Variants in CACNA1E observed in about 807,000 individuals in gnomAD.
CACNA1E encodes calcium voltage-gated channel subunit alpha1 E.
In CACNA1E, 40 loss-of-function variants were observed where a neutral mutation model predicts 259.2. That is an observed-to-expected ratio of 0.15 (90% CI 0.12 to 0.20). CACNA1E has a LOEUF of 0.20. Among genes scored for constraint, CACNA1E ranks in the 10% least tolerant of loss-of-function variants. The pLI is 1.00. For synonymous variants in CACNA1E, 1,104 were observed against 1,138.5 expected (o/e 0.97, Z 0.61); for missense variants, 1,874 against 3,040.1 (o/e 0.62, Z 9.02).
At chr1:181,724,939 T>C (rs1321700669) in intron 17 of CACNA1E, among the ~76,000 whole-genome samples, 1 of 152,202 alleles carries the variant, frequency 6.6e-6, no homozygotes, top group Non-Finnish European at 1.5e-5. Flanking sequence ...GGGAGAGAGA[T>C]CAGGGCCATC....
At chr1:181,333,515 AATAAAACTTTATTT>A (rs1367551062) in intron 1 of CACNA1E, among the ~76,000 whole-genome samples, 2 of 152,216 alleles carry the variant, frequency 1.3e-5, no homozygotes, top group Non-Finnish European at 2.9e-5. Context: ...GATGAGTTCC[AATAAAACTTTATTT>A]ATAAAAGCAA....
At chr1:181,734,045 T>C (rs1247463746) in intron 21 of CACNA1E, among the ~76,000 whole-genome samples, 1 of 152,214 alleles carries the variant, frequency 6.6e-6, no homozygotes, top group Non-Finnish European at 1.5e-5. Flanking sequence ...TTTGCTTTGG[T>C]GCATGAATAT....
chr1:181,478,631 G>GT, upstream of CACNA1E, among the ~76,000 whole-genome samples: 1 of 148,992 alleles, frequency 6.7e-6, no homozygotes, highest in African/African-American at 2.4e-5. Context: ...CTATCTGAGT[G>GT]TAACTGGCAG....
chr1:181,585,479 C>T (rs142562788), intron 6 of CACNA1E, among the ~76,000 whole-genome samples: 73 of 152,262 alleles, frequency 4.8e-4, no homozygotes, highest in Non-Finnish European at 9.3e-4. Flanking sequence ...AGGAAAGTCC[C>T]GGCCCTCATG....
At chr1:181,572,522 T>C (rs1650517926) in intron 3 of CACNA1E, among the ~76,000 whole-genome samples, 2 of 152,184 alleles carry the variant, frequency 1.3e-5, no homozygotes, top group African/African-American at 4.8e-5. Context: ...GAGTGTACTC[T>C]CCAACTGTCC....
intron 1 of CACNA1E, among the ~76,000 whole-genome samples, chr1:181,331,458 G>A (rs139468086): frequency 9.7e-4 from 148 of 152,294 alleles, no homozygotes; most frequent in African/African-American, 3.4e-3. Flanking sequence ...TGATGTCCAA[G>A]GAGAGGGGAG....
At chr1:181,416,251 G>A (rs1658267313) in intron 2 of CACNA1E, among the ~76,000 whole-genome samples, 1 of 152,210 alleles carries the variant, frequency 6.6e-6, no homozygotes, top group African/African-American at 2.4e-5. Flanking sequence ...AGTAGGCCAG[G>A]CCATCTTGGT....
intron 6 of CACNA1E, among the ~76,000 whole-genome samples, chr1:181,646,933 C>T (rs916258662): frequency 6.6e-6 from 1 of 152,258 alleles, no homozygotes; most frequent in Non-Finnish European, 1.5e-5. Flanking sequence ...TGCAGGTGGG[C>T]TGCCGCCCCC....
At chr1:181,717,943 G>T (rs929289428) in intron 11 of CACNA1E, 112 bp from the exon 12 acceptor site, 1 of 625,540 alleles carries the variant, frequency 1.6e-6, no homozygotes, top group Admixed American at 2.6e-5. Flanking sequence ...TGTGGCCACC[G>T]AATGTCCTGA....
At chr1:181,549,340 A>G (rs1370078411) in intron 3 of CACNA1E, among the ~76,000 whole-genome samples, 2 of 152,228 alleles carry the variant, frequency 1.3e-5, no homozygotes, top group Non-Finnish European at 2.9e-5. Flanking sequence ...ATGGACAGGT[A>G]GGGTACCAAG....
intron 1 of CACNA1E, among the ~76,000 whole-genome samples, chr1:181,493,441 C>G (rs1453301099): frequency 1.3e-5 from 2 of 152,230 alleles, no homozygotes; most frequent in African/African-American, 2.4e-5. Flanking sequence ...GACTGTCAAG[C>G]TGGAATACCT....
chr1:181,495,482 A>G (rs946607554), intron 1 of CACNA1E, among the ~76,000 whole-genome samples: 1 of 152,218 alleles, frequency 6.6e-6, no homozygotes, highest in African/African-American at 2.4e-5. Context: ...GCTTGGAACA[A>G]TGTTTGGCAA....
chr1:181,551,648 G>A (rs914228207), intron 3 of CACNA1E, among the ~76,000 whole-genome samples: 7 of 152,138 alleles, frequency 4.6e-5, no homozygotes, highest in African/African-American at 1.4e-4. Flanking sequence ...GCAGGGGAGA[G>A]TGGCTGGGAT....
intron 7 of CACNA1E, among the ~76,000 whole-genome samples, chr1:181,709,983 C>T (rs915485828): frequency 1.3e-5 from 2 of 152,158 alleles, no homozygotes; most frequent in African/African-American, 2.4e-5. Flanking sequence ...ATTTATTTAT[C>T]CCCATTCTTT....
intron 5 of CACNA1E, among the ~76,000 whole-genome samples, chr1:181,579,858 C>T (rs997895860): frequency 1.3e-5 from 2 of 152,200 alleles, no homozygotes; most frequent in Non-Finnish European, 2.9e-5. Context: ...ACCATCTTCT[C>T]GCTCTCTGTT....
chr1:181,561,818 G>A (rs895265964), intron 3 of CACNA1E, among the ~76,000 whole-genome samples: 10 of 152,142 alleles, frequency 6.6e-5, no homozygotes, highest in Admixed American at 4.6e-4. Flanking sequence ...TTTCCAAAAT[G>A]GGTGTATTAT....
At chr1:181,530,382 A>T (rs1667689890) in intron 3 of CACNA1E, among the ~76,000 whole-genome samples, 1 of 152,192 alleles carries the variant, frequency 6.6e-6, no homozygotes, top group African/African-American at 2.4e-5. Flanking sequence ...AAGCATCCAT[A>T]TACATACAGC....
At chr1:181,681,716 T>C (rs1371395819) in intron 7 of CACNA1E, among the ~76,000 whole-genome samples, 1 of 152,236 alleles carries the variant, frequency 6.6e-6, no homozygotes, top group Non-Finnish European at 1.5e-5. Flanking sequence ...ATCTGAATGC[T>C]GGTCTACCAC....
rs1196796046 is a variant in CACNA1E at position 181,807,911 on chromosome 1, A to C, written c.*9077A>C. Reference sequence around the variant, plus strand: ...TTGGAGTTAGAATCTGACAACCTTTAACTTCACACTTTTATGAGATAATAA... The same window carrying C: ...TTGGAGTTAGAATCTGACAACCTTTCACTTCACACTTTTATGAGATAATAA... On this transcript the variant is annotated 3_prime_UTR_variant, in exon 48 of 48. Transcript: ENST00000367573. 1 of 152,088 alleles carries C rather than the reference A, an allele frequency of 6.6e-6. No individual in the cohort carries two copies. Among genetic ancestry groups the C allele is most frequent in the African/African-American group, 2.4e-5 (1 of 41,406 alleles). The allele number at this position is 152,088 out of a possible 1,614,324, so 9.4% of individuals were successfully genotyped here.
Sources: gnomAD v4.1 joint callset for allele counts (sites outside exome capture counted in the v4.1 genomes callset) on GRCh38, gnomAD v4.1.1 for gene constraint, MANE v1.5 for transcripts, NCBI Gene and HGNC (gene_info 2026-07-23, HGNC 2026-07-21) for gene names.